Variants in CDH18 observed in about 807,000 individuals in gnomAD.
CDH18 encodes cadherin-18.
A neutral mutation model predicts 67.9 loss-of-function variants in CDH18; 31 were observed. The observed-to-expected ratio is 0.46, with a 90% confidence interval of 0.34 to 0.62. The LOEUF (loss-of-function observed/expected upper bound fraction) is 0.62, where lower values mean the gene tolerates loss of function less well. CDH18 is among the 20% of genes least tolerant of loss of function. CDH18 has a pLI of 0.01. For synonymous variants in CDH18, 362 were observed against 347.2 expected, an observed-to-expected ratio of 1.04 and a Z score of -0.48; for missense variants, 890 against 975.5, an observed-to-expected ratio of 0.91 and a Z score of 1.17.
intron 8 of CDH18, among the ~76,000 whole-genome samples, chr5:19,558,261 C>T (rs1164445360): frequency 6.6e-6 from 1 of 150,716 alleles, no homozygotes; most frequent in Non-Finnish European, 1.5e-5. Flanking sequence ...CAAACCACAC[C>T]CAAACACAGG....
At chr5:20,550,431 G>A (rs566538021) in intron 1 of CDH18, among the ~76,000 whole-genome samples, 7 of 152,244 alleles carry the variant, frequency 4.6e-5, no homozygotes, top group East Asian at 3.9e-4. Context: ...AATAATAAAC[G>A]AAAGTTAAAG....
intron 6 of CDH18, among the ~76,000 whole-genome samples, chr5:19,605,476 C>T (rs1167065454): frequency 1.3e-5 from 2 of 151,730 alleles, no homozygotes; most frequent in Admixed American, 1.3e-4. Context: ...AGAGTTCATC[C>T]TTTCAATTTA....
intron 1 of CDH18, among the ~76,000 whole-genome samples, chr5:20,545,993 A>T (rs1325142225): frequency 2.0e-5 from 3 of 152,172 alleles, no homozygotes; most frequent in Non-Finnish European, 4.4e-5. Context: ...CATATCTTGA[A>T]TGCTTTGCTG....
At chr5:20,494,463 T>G (rs1235922924) in intron 1 of CDH18, among the ~76,000 whole-genome samples, 8 of 152,108 alleles carry the variant, frequency 5.3e-5, no homozygotes. Flanking sequence ...GAATTTTCGT[T>G]TCAAGATGAC....
chr5:19,669,869 A>T (rs1758502673), intron 5 of CDH18, among the ~76,000 whole-genome samples: 1 of 152,152 alleles, frequency 6.6e-6, no homozygotes, highest in African/African-American at 2.4e-5. Context: ...AACAGAAACA[A>T]AGAAAACAAC....
intron 2 of CDH18, among the ~76,000 whole-genome samples, chr5:20,191,840 G>C (rs951705467): frequency 5.0e-4 from 76 of 152,230 alleles, no homozygotes; most frequent in African/African-American, 1.7e-3. Flanking sequence ...TGTCTTTACA[G>C]TAGAATGATG....
chr5:20,098,846 A>G (rs1746213265), intron 2 of CDH18, among the ~76,000 whole-genome samples: 1 of 152,154 alleles, frequency 6.6e-6, no homozygotes. Context: ...GAATATTAAA[A>G]AGTGAACCAT....
At chr5:20,441,425 C>A (rs1749597619) in intron 1 of CDH18, among the ~76,000 whole-genome samples, 1 of 151,486 alleles carries the variant, frequency 6.6e-6, no homozygotes, top group Non-Finnish European at 1.5e-5. Context: ...GTGTGTGCGT[C>A]TGTGTGTGCC....
At chr5:19,983,466 T>C (rs6869255) in intron 1 of CDH18, among the ~76,000 whole-genome samples, 142,420 of 152,268 alleles carry the variant, frequency 0.94, 66,748 homozygotes, top group South Asian at 0.99. Flanking sequence ...ATTCCATGTG[T>C]TTTGAGTAAA....
rs544219832 is a variant in CDH18, at chr5:20,381,536, A to G, written c.-579-126031T>C. Among the ~76,000 whole-genome samples, 6 of 152,266 alleles carry G rather than the reference A, an allele frequency of 3.9e-5. No homozygotes were observed. The South Asian group carries it at 1.2e-3, about 32-fold the overall frequency. On this transcript the variant is annotated intron_variant, in intron 1 of 14. Coordinates refer to the CDH18 transcript ENST00000507958. Reference sequence around the variant, plus strand: ...CCTTACTATATATTTAACTTTTAAAATTTGTATTGTCTTCCTACCCCCTAA... The same window carrying G: ...CCTTACTATATATTTAACTTTTAAAGTTTGTATTGTCTTCCTACCCCCTAA...
chr5:20,244,738 T>C (rs1027603438), intron 2 of CDH18, among the ~76,000 whole-genome samples: 3 of 152,126 alleles, frequency 2.0e-5, no homozygotes, highest in African/African-American at 7.2e-5. Flanking sequence ...TTTGACAAAA[T>C]GTATTATTTT....
At chr5:19,599,712 C>T (rs1746759299) in intron 6 of CDH18, among the ~76,000 whole-genome samples, 1 of 152,008 alleles carries the variant, frequency 6.6e-6, no homozygotes, top group African/African-American at 2.4e-5. Flanking sequence ...ACCATCCTGG[C>T]TAACACGGTG....
intron 3 of CDH18, among the ~76,000 whole-genome samples, chr5:19,747,584 T>G (rs1359157740): frequency 6.6e-6 from 1 of 152,162 alleles, no homozygotes; most frequent in African/African-American, 2.4e-5. Context: ...TATTGTTGCC[T>G]TCCATACTTG....
intron 2 of CDH18, among the ~76,000 whole-genome samples, chr5:20,051,146 T>C (rs1580126108): frequency 6.6e-6 from 1 of 152,120 alleles, no homozygotes; most frequent in East Asian, 1.9e-4. Context: ...AATCCTTTTC[T>C]CATACAATAA....
chr5:19,903,743 AT>A (rs1410980712), intron 2 of CDH18, among the ~76,000 whole-genome samples: 12 of 151,462 alleles, frequency 7.9e-5, no homozygotes, highest in Non-Finnish European at 1.6e-4. Flanking sequence ...TGGGAAAAAA[AT>A]AAAAAATGTG....
At chr5:20,035,085 A>G (rs1030933592) in intron 2 of CDH18, among the ~76,000 whole-genome samples, 1 of 151,962 alleles carries the variant, frequency 6.6e-6, no homozygotes, top group Non-Finnish European at 1.5e-5. Context: ...AGCATGGAGG[A>G]AGAGCCTCTG....
At chr5:19,753,185 T>C (rs1289808074) in intron 3 of CDH18, among the ~76,000 whole-genome samples, 1 of 152,044 alleles carries the variant, frequency 6.6e-6, no homozygotes, top group African/African-American at 2.4e-5. Context: ...AAGAAATCCC[T>C]GATTTGCCTG....
At chr5:20,076,180 C>A (rs1250209140) in intron 2 of CDH18, among the ~76,000 whole-genome samples, 1 of 151,892 alleles carries the variant, frequency 6.6e-6, no homozygotes, top group African/African-American at 2.4e-5. Context: ...ATGTGTTATA[C>A]AATGTACATT....
chr5:19,859,995 T>TGG (rs1784716599), intron 2 of CDH18, among the ~76,000 whole-genome samples: 1 of 150,454 alleles, frequency 6.6e-6, no homozygotes, highest in Non-Finnish European at 1.5e-5. Flanking sequence ...TTTGGGTGTG[T>TGG]GTGTGTGTGT....
Sources: gnomAD v4.1 joint callset for allele counts (sites outside exome capture counted in the v4.1 genomes callset) on GRCh38, gnomAD v4.1.1 for gene constraint, MANE v1.5 for transcripts, NCBI Gene and HGNC (gene_info 2026-07-23, HGNC 2026-07-21) for gene names.